SAMD10: variants seen among roughly 807,000 people sequenced by gnomAD.
SAMD10 encodes sterile alpha motif domain-containing protein 10.
Under a neutral mutation model 22.5 loss-of-function variants are expected in SAMD10, and 16 were observed. That is an observed-to-expected ratio of 0.71 (90% CI 0.48 to 1.08). The LOEUF is 1.08. SAMD10 is among the 50% of genes least tolerant of loss of function. The probability of loss-of-function intolerance (pLI) is 0.00; values close to 1 mark genes in which losing one functional copy is unlikely to be tolerated. For synonymous variants in SAMD10, 118 were observed against 122.2 expected (o/e 0.97, Z 0.23); for missense variants, 227 against 281.3 (o/e 0.81, Z 1.38).
Position 63,974,483 on chromosome 20 carries a change from C to G in SAMD10, c.*1027G>C, listed in dbSNP as rs760617781. 6.5e-6 allele frequency: 1 copy of G among 152,804 alleles called. No homozygotes were observed. The highest frequency in any genetic ancestry group is 2.4e-5 in the African/African-American group (1 of 41,474). 9.5% of individuals were successfully genotyped at this position (152,804 alleles called of 1,614,324 possible). On this transcript the variant is annotated 3_prime_UTR_variant, in exon 5 of 5. Coordinates refer to ENST00000369886, the MANE Select transcript of SAMD10 (RefSeq NM_080621.5). ...CATCTGTCCCTGAGATTTTCAGAAG[C>G]CACAGGGGGACTGGGAGAGGGCAGA... is the stretch of plus-strand genomic sequence containing the variant.
rs925156292 is a variant in SAMD10 at position 63,975,156 on chromosome 20, G to A, written c.*354C>T. On this transcript the variant is annotated 3_prime_UTR_variant, in exon 5 of 5. Coordinates refer to ENST00000369886, the MANE Select transcript of SAMD10 (RefSeq NM_080621.5). Reference sequence around the variant, plus strand: ...GGGGGACCGACATCACGTGGAGAGGGGAATGTAAATAAACAGACTCCCTGG... The same window carrying A: ...GGGGGACCGACATCACGTGGAGAGGAGAATGTAAATAAACAGACTCCCTGG... 6 of 344,862 alleles carry A rather than the reference G, an allele frequency of 1.7e-5. No individual in the cohort carries two copies. Among genetic ancestry groups the A allele is most frequent in the Non-Finnish European group, 2.7e-5 (5 of 187,618 alleles). 21.4% of individuals were successfully genotyped at this position (344,862 alleles called of 1,614,324 possible). A position where few individuals can be genotyped will look rare whatever the true frequency, so the allele number is the denominator to read the frequency against.
In SAMD10 at chr20:63,975,716, G is replaced by A. The variant is rs2059017317; in HGVS notation, c.562C>T (p.Arg188Trp). Reference protein sequence around the residue: ...VLRLQVREEGRSLQLLSQASF... With the variant: ...VLRLQVREEGWSLQLLSQASF... ...CCTTGGCTGAGCAGCTGCAGGCTCC[G>A]CCCCTCCTCACGCACCTGCAGGCGG... Residue 188 changes from arginine (R) to tryptophan (W), a missense_variant, in exon 4 of 5, where the codon CGG becomes TGG. Arg to Trp is a moderately radical substitution (Grantham distance 101). Transcript: ENST00000369886. 1 of 1,606,960 alleles carries A rather than the reference G, an allele frequency of 6.2e-7. No individual in the cohort carries two copies. The highest frequency in any genetic ancestry group is 8.5e-7 in the Non-Finnish European group (1 of 1,178,530).
intron 3 of SAMD10, among the ~76,000 whole-genome samples, chr20:63,976,358 C>G (rs890358474): frequency 6.6e-6 from 1 of 151,872 alleles, no homozygotes; most frequent in Admixed American, 6.6e-5. Flanking sequence ...GCAAAACACA[C>G]AGAGACTTAA....
upstream of SAMD10, chr20:63,980,140 C>A: frequency 6.5e-6 from 1 of 152,804 alleles, no homozygotes. Flanking sequence ...TGTAGCAGGC[C>A]GGAGCGGTGT....
At chr20:63,979,684 G>A (rs1452184858), upstream of SAMD10, 14 of 985,268 alleles carry the variant, frequency 1.4e-5, no homozygotes, top group Non-Finnish European at 1.6e-5. The surrounding 1 kb of genome is among the most constrained non-coding windows in gnomAD (Gnocchi z 7.7). Flanking sequence ...TCGGCGGCGC[G>A]CGGGCCTGCG....
intron 1 of SAMD10, among the ~76,000 whole-genome samples, chr20:63,978,878 C>G (rs950988791): frequency 5.0e-4 from 76 of 152,324 alleles, no homozygotes; most frequent in African/African-American, 1.7e-3. Context: ...CCGTCGGACT[C>G]CTCAGCCCGC....
chr20:63,977,174 G>C lies in SAMD10; in HGVS notation c.274-32C>G. 1.2e-6 allele frequency: 2 copies of C among 1,612,718 alleles called. No homozygotes were observed. Among genetic ancestry groups the C allele is most frequent in the Non-Finnish European group, 1.7e-6 (2 of 1,178,926 alleles). ...GGGAGGGGCGTGGCAGGCAGAGTGA[G>C]AGTGGTGGAGAAGGAGGGCAGGGAC... On this transcript the variant is annotated intron_variant, in intron 2 of 4. Transcript: ENST00000369886. This position sits in a 1 kb window ranked among gnomAD's most constrained non-coding sequence, Gnocchi z 5.4.
At chr20:63,976,874 C>G in intron 3 of SAMD10, 97 bp downstream of exon 3, 1 of 1,259,326 alleles carries the variant, frequency 7.9e-7, no homozygotes, top group South Asian at 1.3e-5. Context: ...ACTAGACAGA[C>G]GAAAACAACA....
intron 1 of SAMD10, among the ~76,000 whole-genome samples, chr20:63,978,995 G>A (rs898835615): frequency 6.6e-6 from 1 of 152,158 alleles, no homozygotes; most frequent in East Asian, 1.9e-4. Context: ...CCGCCCCAAC[G>A]TCAGGATTCC....
In SAMD10 at chr20:63,977,242, C is replaced by A; in HGVS notation, c.256G>T (p.Gly86Cys). 6.2e-7 allele frequency: 1 copy of A among 1,613,402 alleles called. No individual in the cohort carries two copies. Among genetic ancestry groups the A allele is most frequent in the Non-Finnish European group, 8.5e-7 (1 of 1,179,952 alleles). ...GTGGGTACCTGGGGGGTGTCTGTGC[C>A]GGGCTGCTGCAGGAGCTTGATTGGC... is the stretch of plus-strand genomic sequence containing the variant. ...SRPIKLLQQP[G>C]TDTPQGRLYS... Residue 86 changes from glycine to cysteine, a missense_variant, in exon 2 of 5, where the codon GGC becomes TGC. Physicochemically the swap from Gly to Cys is radical, Grantham distance 159. Coordinates refer to ENST00000369886, the MANE Select transcript of SAMD10 (RefSeq NM_080621.5). This position sits in a 1 kb window ranked among gnomAD's most constrained non-coding sequence, Gnocchi z 5.4.
At chr20:63,979,793 G>A, upstream of SAMD10, 1 of 661,882 alleles carries the variant, frequency 1.5e-6, no homozygotes, top group Non-Finnish European at 1.9e-6. The surrounding 1 kb of genome is among the most constrained non-coding windows in gnomAD (Gnocchi z 7.7). Flanking sequence ...GTCCTCTGAG[G>A]TCGGGCCCCT....
intron 1 of SAMD10, chr20:63,978,496 C>T (rs2059039969): frequency 5.7e-6 from 2 of 347,984 alleles, no homozygotes; most frequent in South Asian, 2.1e-5. Context: ...GAGACCCTCC[C>T]GGCCTCAGAC....
chr20:63,979,692 G>A (rs2059051268), upstream of SAMD10: 1 of 985,270 alleles, frequency 1.0e-6, no homozygotes, highest in East Asian at 1.1e-4. This position sits in a 1 kb window ranked among gnomAD's most constrained non-coding sequence, Gnocchi z 7.7. Flanking sequence ...GCGCGGGCCT[G>A]CGTGCACCAA....
rs939043401 is a variant in SAMD10 at position 63,979,510 on chromosome 20, G to A, written c.-43C>T. 1.8e-5 allele frequency: 21 copies of A among 1,154,512 alleles called. No homozygotes were observed. In the African/African-American group the frequency reaches 3.1e-4, roughly 17 times the overall value. The allele number at this position is 1,154,512 out of a possible 1,614,324, so 71.5% of individuals were successfully genotyped here. A position where few individuals can be genotyped will look rare whatever the true frequency, so the allele number is the denominator to read the frequency against. On this transcript the variant is annotated 5_prime_UTR_variant, in exon 1 of 5. Transcript: ENST00000369886. The surrounding 1 kb of genome is among the most constrained non-coding windows in gnomAD (Gnocchi z 7.7). ...GGCCCGCGCACACGCCCCTCGCCGA[G>A]TGCAGGGCGGCCGGTGTGGCCGGCG...
intron 3 of SAMD10, 42 bp downstream of exon 3, chr20:63,976,929 C>A (rs749856716): frequency 6.2e-7 from 1 of 1,600,148 alleles, no homozygotes; most frequent in Admixed American, 1.7e-5. Flanking sequence ...CGCTCTGAGG[C>A]AGGTTAGCCC....
intron 3 of SAMD10, among the ~76,000 whole-genome samples, chr20:63,976,721 C>T (rs532566342): frequency 1.9e-4 from 26 of 136,748 alleles, no homozygotes; most frequent in African/African-American, 7.0e-4. Context: ...AAGATCGCAC[C>T]ATTTCACTCA....
rs1296495016 is a variant in SAMD10, at chr20:63,977,179, G to T, written c.274-37C>A. On this transcript the variant is annotated intron_variant, in intron 2 of 4. Coordinates refer to ENST00000369886, the MANE Select transcript of SAMD10 (RefSeq NM_080621.5). This position sits in a 1 kb window ranked among gnomAD's most constrained non-coding sequence, Gnocchi z 5.4. ...GGGCGTGGCAGGCAGAGTGAGAGTG[G>T]TGGAGAAGGAGGGCAGGGACGGAGG... The T allele has an allele frequency of 6.2e-7, 1 of 1,613,012 alleles. No individual in the cohort carries two copies. Among genetic ancestry groups the T allele is most frequent in the South Asian group, 1.1e-5 (1 of 91,056 alleles).
intron 1 of SAMD10, chr20:63,978,354 A>C: frequency 7.8e-7 from 1 of 1,278,208 alleles, no homozygotes; most frequent in Non-Finnish European, 1.0e-6. Context: ...TCTGCAAGTG[A>C]ACAGAGCCTG....
At chr20:63,975,867 A>G (rs1034529875) in intron 3 of SAMD10, 35 bp from the exon 4 acceptor site, 11 of 1,536,676 alleles carry the variant, frequency 7.2e-6, no homozygotes, top group Non-Finnish European at 8.7e-6. Flanking sequence ...GCTGAGGCCA[A>G]CAGAGGCATC....
Sources: gnomAD v4.1 joint callset for allele counts (sites outside exome capture counted in the v4.1 genomes callset) on GRCh38, gnomAD v4.1.1 for gene constraint, Gnocchi (gnomAD v3.1) non-coding constraint, MANE v1.5 for transcripts, NCBI Gene and HGNC (gene_info 2026-07-23, HGNC 2026-07-21) for gene names.